The following IL1RAPL2 variants were observed in gnomAD, a reference collection of about 807,000 sequenced individuals.
The protein encoded by IL1RAPL2 is X-linked interleukin-1 receptor accessory protein-like 2.
Under a neutral mutation model 44.1 loss-of-function variants are expected in IL1RAPL2, and 3 were observed. The observed-to-expected ratio is 0.07, with a 90% CI of 0.03 to 0.18. The LOEUF is 0.18. Ranked by LOEUF, IL1RAPL2 falls within the 10% of genes least tolerant of loss-of-function variation. The pLI, the probability that IL1RAPL2 is intolerant of heterozygous loss-of-function variation, is 1.00. For missense variants in IL1RAPL2, 391 were observed against 496.4 expected, an observed-to-expected ratio of 0.79 and a Z score of 2.02; for synonymous variants, 181 against 178.8, an observed-to-expected ratio of 1.01 and a Z score of -0.10.
intron 5 of IL1RAPL2, among the ~76,000 whole-genome samples, chrX:105,310,925 T>C (rs2034792341): frequency 1.8e-5 from 2 of 111,787 alleles, no homozygotes; most frequent in African/African-American, 6.5e-5. Flanking sequence ...AATCTCTGAC[T>C]TCTCACTTTT....
At chrX:104,887,178 C>G (rs1179103434) in intron 2 of IL1RAPL2, among the ~76,000 whole-genome samples, 1 of 112,203 alleles carries the variant, frequency 8.9e-6, no homozygotes, top group African/African-American at 3.2e-5. Context: ...AGTGAGATGA[C>G]TAGACCACTC....
intron 6 of IL1RAPL2, among the ~76,000 whole-genome samples, chrX:105,525,528 A>C (rs1186077296): frequency 9.0e-6 from 1 of 111,609 alleles, no homozygotes; most frequent in African/African-American, 3.2e-5. Flanking sequence ...AATTACAAAT[A>C]ACATGATGTT....
At chrX:105,294,064 C>T (rs376852843) in intron 5 of IL1RAPL2, among the ~76,000 whole-genome samples, 1 of 112,185 alleles carries the variant, frequency 8.9e-6, no homozygotes, top group East Asian at 2.8e-4. Flanking sequence ...CAATGAGGAA[C>T]GTTATTTCTG....
At chrX:105,417,981 G>A (rs2035746336) in intron 5 of IL1RAPL2, among the ~76,000 whole-genome samples, 1 of 111,621 alleles carries the variant, frequency 9.0e-6, no homozygotes, top group Non-Finnish European at 1.9e-5. Context: ...TATCTTATCA[G>A]TAAAGTCTTC....
At chrX:104,634,705 T>C (rs1165791944) in intron 1 of IL1RAPL2, among the ~76,000 whole-genome samples, 5 of 111,624 alleles carry the variant, frequency 4.5e-5, no homozygotes, top group African/African-American at 1.6e-4. Flanking sequence ...TGGTAGATAT[T>C]CCTCCATCCC....
intron 2 of IL1RAPL2, among the ~76,000 whole-genome samples, chrX:104,777,420 C>G (rs1021221606): frequency 1.8e-5 from 2 of 109,956 alleles, no homozygotes; most frequent in Non-Finnish European, 3.8e-5. Context: ...CATTTATATA[C>G]CACATTTTGT....
At chrX:104,720,765 T>C (rs899452050) in intron 2 of IL1RAPL2, among the ~76,000 whole-genome samples, 1 of 111,619 alleles carries the variant, frequency 9.0e-6, no homozygotes. Context: ...AAATATCTAC[T>C]TTCTTTGCTT....
chrX:105,725,029 A>C (rs1164068833), intron 7 of IL1RAPL2, among the ~76,000 whole-genome samples: 2 of 111,754 alleles, frequency 1.8e-5, no homozygotes, highest in African/African-American at 6.5e-5. Flanking sequence ...TGTATTCTAC[A>C]TAGCTAATTT....
intron 5 of IL1RAPL2, among the ~76,000 whole-genome samples, chrX:105,420,427 T>G (rs527938920): frequency 9.0e-6 from 1 of 111,615 alleles, no homozygotes. Context: ...TTTTATGTAT[T>G]AACCCCAAAT....
chrX:105,660,369 G>C (rs768201225), intron 6 of IL1RAPL2, among the ~76,000 whole-genome samples: 6 of 111,196 alleles, frequency 5.4e-5, no homozygotes, highest in African/African-American at 9.8e-5. Flanking sequence ...TACAAGAAAT[G>C]CTAAAGAGAG....
chrX:105,614,705 G>A (rs1022564071), intron 6 of IL1RAPL2, among the ~76,000 whole-genome samples: 3 of 111,667 alleles, frequency 2.7e-5, no homozygotes, highest in Non-Finnish European at 5.6e-5. Flanking sequence ...GACTTAAATC[G>A]AAGGTCTCAA....
At chrX:104,669,563 C>G (rs1305844938) in intron 2 of IL1RAPL2, among the ~76,000 whole-genome samples, 1 of 111,752 alleles carries the variant, frequency 8.9e-6, no homozygotes, top group Non-Finnish European at 1.9e-5. Context: ...TGGAACCACC[C>G]AGGGAGCTTT....
chrX:104,585,350 TATTA>T (rs1296885148), intron 1 of IL1RAPL2, among the ~76,000 whole-genome samples: 2 of 13,160 alleles, frequency 1.5e-4, no homozygotes, highest in African/African-American at 1.2e-3. Context: ...ATATTATATA[TATTA>T]TATATATTAT....
At chrX:105,603,698 C>T (rs1320609956) in intron 6 of IL1RAPL2, among the ~76,000 whole-genome samples, 1 of 111,479 alleles carries the variant, frequency 9.0e-6, no homozygotes, top group Non-Finnish European at 1.9e-5. Context: ...CAGACATTTA[C>T]AGAACATTAA....
intron 2 of IL1RAPL2, among the ~76,000 whole-genome samples, chrX:105,036,083 C>G (rs2031624105): frequency 9.0e-6 from 1 of 111,560 alleles, no homozygotes; most frequent in African/African-American, 3.3e-5. Context: ...GGTAATGAGA[C>G]AAAATCAAAA....
At position 105,660,242 on chromosome X, in the gene IL1RAPL2, G is replaced by GA. The variant is rs981653577; in HGVS notation, c.773-57117dup. On this transcript the variant is annotated intron_variant, in intron 6 of 10. Coordinates refer to ENST00000372582, the MANE Select transcript of IL1RAPL2 (RefSeq NM_017416.2). Reference sequence around the variant, plus strand: ...GGTATGATATATTTCAAGTGCTAAAGAAAAAAAACTGTATCCTAGAATAGT... The same window carrying GA: ...GGTATGATATATTTCAAGTGCTAAAGAAAAAAAAACTGTATCCTAGAATAGT... Among the ~76,000 whole-genome samples, 39 of 110,593 alleles carry GA rather than the reference G, an allele frequency of 3.5e-4. 1 individual carries two copies. Among genetic ancestry groups the GA allele is most frequent in the African/African-American group, 1.2e-3 (37 of 30,498 alleles).
At chrX:104,580,396 G>A (rs1423627123) in intron 1 of IL1RAPL2, among the ~76,000 whole-genome samples, 4 of 112,729 alleles carry the variant, frequency 3.5e-5, no homozygotes, top group Admixed American at 1.9e-4. Context: ...CTTCAGGCAC[G>A]CCTGCTTTAC....
chrX:105,204,998 T>C (rs1396597474), intron 3 of IL1RAPL2, among the ~76,000 whole-genome samples: 5 of 111,752 alleles, frequency 4.5e-5, no homozygotes, highest in Non-Finnish European at 9.4e-5. Flanking sequence ...ATTAAAGTAA[T>C]GGAGCTTCCA....
chrX:105,743,705 G>A (rs745467002), intron 8 of IL1RAPL2, among the ~76,000 whole-genome samples: 1 of 111,587 alleles, frequency 9.0e-6, no homozygotes, highest in South Asian at 3.7e-4. Flanking sequence ...TTTTCTTGCT[G>A]TATTTACTGC....
Sources: allele counts gnomAD v4.1 joint callset (sites outside exome capture counted in the v4.1 genomes callset), GRCh38; gene constraint gnomAD v4.1.1; transcripts MANE v1.5; gene names NCBI Gene and HGNC (gene_info 2026-07-23, HGNC 2026-07-21).